ERMP1: variants seen among roughly 807,000 people sequenced by gnomAD.
The protein encoded by ERMP1 is endoplasmic reticulum metallopeptidase 1.
In ERMP1, 86 loss-of-function variants were observed where a neutral mutation model predicts 92.0. The ratio of observed to expected loss-of-function variants is 0.93; its 90% CI spans 0.79 to 1.12. ERMP1 has a LOEUF of 1.12. ERMP1 is among the 50% of genes most tolerant of loss of function. ERMP1 has a pLI of 0.00. For missense variants in ERMP1, 1,342 were observed against 1,116.3 expected (o/e 1.20, Z -2.88); for synonymous variants, 530 against 412.8 (o/e 1.28, Z -3.44).
In ERMP1 at chr9:5,831,155, G is replaced by A. The variant is rs553706617; in HGVS notation, c.339-127C>T. The A allele has an allele frequency of 3.9e-4, 257 of 653,406 alleles. 1 individual carries two copies. The highest frequency in any genetic ancestry group is 7.3e-4 in the South Asian group (35 of 48,094). 40.5% of individuals were successfully genotyped at this position (653,406 alleles called of 1,614,324 possible). A position where few individuals can be genotyped will look rare whatever the true frequency, so the allele number is the denominator to read the frequency against. Reference sequence around the variant, plus strand: ...TTCTTTGCCTTATATAAAAGGGACCGCCTTTCATTATTTCAGACACCAAGT... The same window carrying A: ...TTCTTTGCCTTATATAAAAGGGACCACCTTTCATTATTTCAGACACCAAGT... On this transcript the variant is annotated intron_variant, in intron 1 of 14. Transcript: ENST00000339450.
chr9:5,802,567 G>T (rs1828712281), intron 10 of ERMP1, among the ~76,000 whole-genome samples: 1 of 152,074 alleles, frequency 6.6e-6, no homozygotes, highest in South Asian at 2.1e-4. Flanking sequence ...TGTGTTTTTA[G>T]TACAGACAGG....
chr9:5,856,709 G>A (rs568916119), intron 6 of ERMP1, among the ~76,000 whole-genome samples: 4 of 152,326 alleles, frequency 2.6e-5, no homozygotes, highest in Admixed American at 6.5e-5. Flanking sequence ...TACAGGGTCA[G>A]GTCTGGCGAG....
chr9:5,830,742 C>T lies in ERMP1; in HGVS notation c.625G>A (p.Val209Ile). ...AVLANCHFDS[V>I]ANSPGASDDA... ...AGGTACATACCTGGTGAGTTTGCTA[C>T]TGAGTCAAAATGACAATTAGCCAAG... Residue 209 changes from valine (V) to isoleucine (I), a missense_variant, in exon 2 of 15, where the codon GTA becomes ATA. Transcript: ENST00000339450. 6.2e-7 allele frequency: 1 copy of T among 1,612,240 alleles called. No individual in the cohort carries two copies. The highest frequency in any genetic ancestry group is 1.1e-5 in the South Asian group (1 of 90,946).
At chr9:5,798,064 C>T in intron 12 of ERMP1, 132 bp from the exon 13 acceptor site, 1 of 666,654 alleles carries the variant, frequency 1.5e-6, no homozygotes, top group Non-Finnish European at 2.7e-6. Flanking sequence ...ATAAGCAATG[C>T]CAACTCCAAC....
At chr9:5,851,643 C>G (rs907754770) in intron 6 of ERMP1, among the ~76,000 whole-genome samples, 1 of 152,130 alleles carries the variant, frequency 6.6e-6, no homozygotes, top group Non-Finnish European at 1.5e-5. Context: ...ATGGTCAAAC[C>G]CTTTTGTTCT....
chr9:5,792,512 A>C (rs186628829), intron 13 of ERMP1, among the ~76,000 whole-genome samples: 2 of 152,346 alleles, frequency 1.3e-5, no homozygotes, highest in African/African-American at 2.4e-5. Context: ...AAATCTTCTT[A>C]AAAATCATAA....
At chr9:5,818,286 G>A (rs1179194703) in intron 4 of ERMP1, among the ~76,000 whole-genome samples, 1 of 152,076 alleles carries the variant, frequency 6.6e-6, no homozygotes, top group African/African-American at 2.4e-5. Flanking sequence ...TCTTTAAAAT[G>A]GAGGAAAAGG....
At chr9:5,833,630 G>C (rs914041347), upstream of ERMP1, among the ~76,000 whole-genome samples, 1 of 152,182 alleles carries the variant, frequency 6.6e-6, no homozygotes. Context: ...CCTGCTATGA[G>C]CTAAGCGCTA....
rs1018056157 is a variant in ERMP1 at position 5,786,680 on chromosome 9, A to C, written c.*464T>G. 3 of 161,060 alleles carry C rather than the reference A, an allele frequency of 1.9e-5. No individual in the cohort carries two copies. Among genetic ancestry groups the C allele is most frequent in the Non-Finnish European group, 4.1e-5 (3 of 73,040 alleles). 10.0% of individuals were successfully genotyped at this position (161,060 alleles called of 1,614,324 possible). ...TGGCAATCACTTTCCAGTGACCTAC[A>C]CAGAGTTATATTCTCAAGGGGAATC... is the stretch of plus-strand genomic sequence containing the variant. On this transcript the variant is annotated 3_prime_UTR_variant, in exon 15 of 15. Coordinates refer to ENST00000339450, the MANE Select transcript of ERMP1 (RefSeq NM_024896.3).
At position 5,830,786 on chromosome 9, in the gene ERMP1, T is replaced by C. The variant is rs149335278; in HGVS notation, c.581A>G (p.Asp194Gly). 14 of 1,614,008 alleles carry C rather than the reference T, an allele frequency of 8.7e-6. No homozygotes were observed. In the African/African-American group the frequency reaches 1.3e-4, roughly 15 times the overall value. ...AGCCAAGACAGCATGCTGGGCTCCA[T>C]CTCTGGGTTCCAGCTTTACCACAAC... The part of the protein sequence containing the change: ...TNVVVKLEPR[D>G]GAQHAVLANC... The change falls in exon 2 of 15, where the codon GAT becomes GGT. Residue 194 changes from aspartate (D) to glycine (G), a missense_variant. Transcript: ENST00000339450.
upstream of ERMP1, among the ~76,000 whole-genome samples, chr9:5,834,655 G>C (rs1193831609): frequency 6.6e-6 from 1 of 150,738 alleles, no homozygotes; most frequent in East Asian, 1.9e-4. Flanking sequence ...ATAGTGCTTA[G>C]CTCTGGATAA....
intron 4 of ERMP1, among the ~76,000 whole-genome samples, chr9:5,816,427 T>A (rs141135451): frequency 3.9e-5 from 6 of 152,338 alleles, no homozygotes; most frequent in African/African-American, 1.4e-4. Context: ...TTACACAGAT[T>A]GATTTTCAAA....
intron 6 of ERMP1, among the ~76,000 whole-genome samples, chr9:5,844,511 T>G (rs890590509): frequency 6.6e-6 from 1 of 152,152 alleles, no homozygotes; most frequent in Non-Finnish European, 1.5e-5. Flanking sequence ...TAGGCTCAAG[T>G]GACCCACCCT....
chr9:5,854,322 C>T (rs1319027043), intron 6 of ERMP1, among the ~76,000 whole-genome samples: 1 of 152,136 alleles, frequency 6.6e-6, no homozygotes, highest in Non-Finnish European at 1.5e-5. Flanking sequence ...TTCTCATCAT[C>T]ATAACACTCT....
intron 5 of ERMP1, among the ~76,000 whole-genome samples, chr9:5,863,009 G>C (rs753309619): frequency 4.6e-5 from 7 of 152,192 alleles, no homozygotes; most frequent in Non-Finnish European, 8.8e-5. Flanking sequence ...AAAATTCAGA[G>C]AAAGTTTCTT....
upstream of ERMP1, among the ~76,000 whole-genome samples, chr9:5,837,078 G>A (rs1270867474): frequency 6.6e-6 from 1 of 152,154 alleles, no homozygotes; most frequent in Non-Finnish European, 1.5e-5. Flanking sequence ...GTAGAAAAGA[G>A]ATTCTCTGAT....
chr9:5,787,640 C>T, intron 13 of ERMP1, 47 bp from the exon 14 acceptor site: 1 of 1,561,160 alleles, frequency 6.4e-7, no homozygotes, highest in Non-Finnish European at 8.7e-7. Context: ...TTAAAAGGAT[C>T]AAAAAAATAA....
chr9:5,810,468 ATCT>A (rs1369640358), intron 7 of ERMP1, among the ~76,000 whole-genome samples: 1 of 152,178 alleles, frequency 6.6e-6, no homozygotes, highest in African/African-American at 2.4e-5. Flanking sequence ...AAAAAGATAA[ATCT>A]TCTAGGAATA....
intron 11 of ERMP1, 56 bp downstream of exon 11, chr9:5,801,120 C>T: frequency 6.4e-7 from 1 of 1,554,086 alleles, no homozygotes; most frequent in South Asian, 1.3e-5. Flanking sequence ...TACTGAAGCT[C>T]AAAACACACA....
Sources: gnomAD v4.1 joint callset for allele counts (sites outside exome capture counted in the v4.1 genomes callset) on GRCh38, gnomAD v4.1.1 for gene constraint, MANE v1.5 for transcripts, NCBI Gene and HGNC (gene_info 2026-07-23, HGNC 2026-07-21) for gene names.